The following JPH2 variants were observed in gnomAD, a reference collection of about 807,000 sequenced individuals.
JPH2 encodes junctophilin 2, also known as junctophilin-2.
In JPH2, 38 loss-of-function variants were observed where a neutral mutation model predicts 55.9. The ratio of observed to expected loss-of-function variants is 0.68; its 90% CI spans 0.52 to 0.89. The LOEUF (loss-of-function observed/expected upper bound fraction) is 0.89, where lower values mean the gene tolerates loss of function less well. Among genes scored for constraint, JPH2 ranks in the 40% least tolerant of loss-of-function variants. JPH2 has a pLI of 0.00. For synonymous variants in JPH2, 480 were observed against 472.4 expected, an observed-to-expected ratio of 1.02 and a Z score of -0.21; for missense variants, 964 against 1,037.6, an observed-to-expected ratio of 0.93 and a Z score of 0.97.
chr20:44,118,708 G>A (rs771039658), intron 2 of JPH2, 85 bp from the exon 3 acceptor site: 1 of 1,031,720 alleles, frequency 9.7e-7, no homozygotes, highest in Non-Finnish European at 1.5e-6. Context: ...AAAGAGACAT[G>A]CTAAACACAG....
At chr20:44,175,608 G>C (rs969965633) in intron 1 of JPH2, among the ~76,000 whole-genome samples, 2 of 152,196 alleles carry the variant, frequency 1.3e-5, no homozygotes, top group East Asian at 3.9e-4. Flanking sequence ...CCAGGAGCAG[G>C]GTCAGGTTGC....
chr20:44,115,976 G>A lies in JPH2; in HGVS notation c.1699C>T (p.His567Tyr), dbSNP rs753473501. ...EPEVALYQGY[H>Y]SYAVRTTPPE... ...GGCGTGGTGCGCACAGCATAGCTGT[G>A]GTAGCCCTGGTAAAGCGCCACCTCC... Residue 567 changes from histidine to tyrosine, a missense_variant, in exon 4 of 6, where the codon CAC (histidine) becomes TAC (tyrosine). Coordinates refer to ENST00000372980, the MANE Select transcript of JPH2 (RefSeq NM_020433.5). The A allele has an allele frequency of 7.6e-6, 12 of 1,577,274 alleles. No homozygotes were observed. The highest frequency in any genetic ancestry group is 9.4e-6 in the Non-Finnish European group (11 of 1,169,400).
chr20:44,145,890 G>A (rs882699), intron 2 of JPH2, among the ~76,000 whole-genome samples: 68,138 of 151,756 alleles, frequency 0.45, 16,042 homozygotes, highest in African/African-American at 0.59. Flanking sequence ...AAATGAGCAC[G>A]TTGGGCCTCC....
In JPH2 at chr20:44,157,555, C is replaced by G. The variant is rs553816966; in HGVS notation, c.1169+2063G>C. ...CTCTAAGTCTGCTTCCTGGGGAACT[C>G]ACCTCACAATAGGATTGTGAGCCAC... is the stretch of plus-strand genomic sequence containing the variant. On this transcript the variant is annotated intron_variant, in intron 2 of 5. Coordinates refer to ENST00000372980, the MANE Select transcript of JPH2 (RefSeq NM_020433.5). 1.1e-4 allele frequency among the ~76,000 whole-genome samples: 17 copies of G among 152,328 alleles called. No individual in the cohort carries two copies. The South Asian group carries it at 3.5e-3, about 32-fold the overall frequency.
intron 3 of JPH2, 53 bp downstream of exon 3, chr20:44,118,452 C>T (rs1308381140): frequency 2.9e-6 from 4 of 1,392,222 alleles, no homozygotes; most frequent in African/African-American, 1.4e-5. Flanking sequence ...CAAAGAAAAG[C>T]GCCCACCCTA....
At chr20:44,144,676 T>A (rs570866368) in intron 2 of JPH2, among the ~76,000 whole-genome samples, 2 of 152,100 alleles carry the variant, frequency 1.3e-5, no homozygotes, top group African/African-American at 4.8e-5. Context: ...GATGGTGGAG[T>A]CTGGCTCAGA....
At chr20:44,157,652 G>A (rs908238032) in intron 2 of JPH2, among the ~76,000 whole-genome samples, 1 of 152,210 alleles carries the variant, frequency 6.6e-6, no homozygotes, top group South Asian at 2.1e-4. Context: ...GATTAGAGAA[G>A]AAAATGGATC....
chr20:44,136,145 T>G (rs1472706119), intron 2 of JPH2, among the ~76,000 whole-genome samples: 1 of 152,190 alleles, frequency 6.6e-6, no homozygotes. Context: ...GCAATGGAGC[T>G]GACACAAAAA....
intron 2 of JPH2, among the ~76,000 whole-genome samples, chr20:44,146,443 G>A (rs961664028): frequency 2.6e-5 from 4 of 152,112 alleles, no homozygotes; most frequent in African/African-American, 4.8e-5. Flanking sequence ...TGTATGTCTC[G>A]AGAATCCGGC....
intron 1 of JPH2, among the ~76,000 whole-genome samples, chr20:44,172,544 G>A (rs1471973859): frequency 6.6e-6 from 1 of 152,196 alleles, no homozygotes; most frequent in Non-Finnish European, 1.5e-5. Flanking sequence ...CCAAGCTGGA[G>A]TGCAGTGGCA....
chr20:44,169,019 A>C lies in JPH2; in HGVS notation c.380-8612T>G, dbSNP rs577506742. 2.6e-5 allele frequency among the ~76,000 whole-genome samples: 4 copies of C among 152,180 alleles called. No homozygotes were observed. The South Asian group carries it at 8.3e-4, about 32-fold the overall frequency. On this transcript the variant is annotated intron_variant, in intron 1 of 5. Coordinates refer to ENST00000372980, the MANE Select transcript of JPH2 (RefSeq NM_020433.5). ...CTCTTGCTTCCACTCTTGCCATGTGATCTCTGCACACACCAGCTCCCCTTC... is the reference window on the plus strand; with the variant it reads ...CTCTTGCTTCCACTCTTGCCATGTGCTCTCTGCACACACCAGCTCCCCTTC...
intron 1 of JPH2, among the ~76,000 whole-genome samples, chr20:44,171,980 TG>T (rs2072702665): frequency 6.6e-6 from 1 of 152,212 alleles, no homozygotes; most frequent in African/African-American, 2.4e-5. Flanking sequence ...TACTGTCAAA[TG>T]CATTAATAAG....
chr20:44,164,850 G>T lies in JPH2; in HGVS notation c.380-4443C>A, dbSNP rs542367279. Among the ~76,000 whole-genome samples the T allele has an allele frequency of 5.8e-4, 86 of 147,372 alleles. 1 individual carries two copies. In the Middle Eastern group the frequency reaches 0.01, roughly 18 times the overall value. ...ACCTTTTTTTTTTTTTTTTTTGGAG[G>T]TCGGGGGATGGAGTTTTGCTCTTGT... On this transcript the variant is annotated intron_variant, in intron 1 of 5. Coordinates refer to ENST00000372980, the MANE Select transcript of JPH2 (RefSeq NM_020433.5).
intron 1 of JPH2, among the ~76,000 whole-genome samples, chr20:44,173,445 C>T (rs1185206569): frequency 6.6e-6 from 1 of 152,078 alleles, no homozygotes; most frequent in Non-Finnish European, 1.5e-5. Context: ...ATCAACATTT[C>T]CCTCTCCCTA....
At chr20:44,126,465 T>C (rs549461264) in intron 2 of JPH2, among the ~76,000 whole-genome samples, 2 of 152,172 alleles carry the variant, frequency 1.3e-5, no homozygotes, top group South Asian at 2.1e-4. Flanking sequence ...ATGCTTCCGA[T>C]GTCACTGCCC....
chr20:44,175,089 T>A (rs1422488804), intron 1 of JPH2, among the ~76,000 whole-genome samples: 2 of 152,162 alleles, frequency 1.3e-5, no homozygotes, highest in African/African-American at 4.8e-5. Flanking sequence ...GAAAACACCT[T>A]TGTCCGGTCT....
chr20:44,139,624 GAGA>G (rs993635140), intron 2 of JPH2, among the ~76,000 whole-genome samples: 69 of 152,320 alleles, frequency 4.5e-4, no homozygotes, highest in African/African-American at 1.6e-3. Flanking sequence ...GTGTAAGAAA[GAGA>G]AGAACAGGAA....
rs111521448 is a variant in JPH2 at position 44,114,976 on chromosome 20, G to C, written c.2011-100C>G. The stretch of plus-strand genomic sequence containing the variant: ...TGGACAGAGCAGGAACTTCTGGATG[G>C]ACCTTCCTAAGAGCATTGCCGGCTT... On this transcript the variant is annotated intron_variant, in intron 4 of 5. Transcript: ENST00000372980. 0.01 allele frequency: 8,897 copies of C among 882,088 alleles called. 72 individuals carry two copies. The highest frequency in any genetic ancestry group is 0.013 in the Non-Finnish European group (7,239 of 537,754). The allele number at this position is 882,088 out of a possible 1,614,324, so 54.6% of individuals were successfully genotyped here. A position where few individuals can be genotyped will look rare whatever the true frequency, so the allele number is the denominator to read the frequency against.
chr20:44,107,721 G>C lies in JPH2; in HGVS notation c.*5797C>G, dbSNP rs1282802015. 6.6e-6 allele frequency among the ~76,000 whole-genome samples: 1 copy of C among 152,198 alleles called. No homozygotes were observed. Among genetic ancestry groups the C allele is most frequent in the Admixed American group, 6.5e-5 (1 of 15,288 alleles). ...TTACACTAACTAATGCATGGATATA[G>C]AGATGAATCACAGATAGCCCCTCTC... On this transcript the variant is annotated 3_prime_UTR_variant, in exon 6 of 6. Coordinates refer to ENST00000372980, the MANE Select transcript of JPH2 (RefSeq NM_020433.5).
Sources: allele counts gnomAD v4.1 joint callset (sites outside exome capture counted in the v4.1 genomes callset), GRCh38; gene constraint gnomAD v4.1.1; transcripts MANE v1.5; gene names NCBI Gene and HGNC (gene_info 2026-07-23, HGNC 2026-07-21).